FHIT: variants seen among roughly 807,000 people sequenced by gnomAD.
FHIT encodes bis(5'-adenosyl)-triphosphatase.
Under a neutral mutation model 17.9 loss-of-function variants are expected in FHIT, and 19 were observed. That is an observed-to-expected ratio of 1.06 (90% CI 0.74 to 1.56). FHIT has a LOEUF of 1.56. Ranked by LOEUF, FHIT falls within the 40% of genes most tolerant of loss-of-function variation. The probability of loss-of-function intolerance (pLI) is 0.00; values close to 1 mark genes in which losing one functional copy is unlikely to be tolerated. For synonymous variants in FHIT, 81 were observed against 69.7 expected (o/e 1.16, Z -0.81); for missense variants, 248 against 189.2 (o/e 1.31, Z -1.82).
intron 4 of FHIT, among the ~76,000 whole-genome samples, chr3:60,767,692 G>A (rs1699902664): frequency 6.6e-6 from 1 of 152,312 alleles, no homozygotes; most frequent in Admixed American, 6.5e-5. Context: ...CTTCTGAACA[G>A]AAATAAGAAA....
At chr3:59,984,820 C>T (rs542437722) in intron 7 of FHIT, among the ~76,000 whole-genome samples, 4 of 152,120 alleles carry the variant, frequency 2.6e-5, no homozygotes, top group East Asian at 1.9e-4. Flanking sequence ...CACAACTGGG[C>T]GGGGCAGGGG....
intron 5 of FHIT, among the ~76,000 whole-genome samples, chr3:60,154,174 A>T (rs907654791): frequency 1.3e-5 from 2 of 152,232 alleles, no homozygotes; most frequent in African/African-American, 4.8e-5. Context: ...AGTTATCCAT[A>T]TCCTACTGCT....
rs150251572 is a variant in FHIT at position 60,404,839 on chromosome 3, A to C, written c.103+132021T>G. On this transcript the variant is annotated intron_variant, in intron 5 of 9. Coordinates refer to ENST00000492590, the MANE Select transcript of FHIT (RefSeq NM_002012.4). ...GGTCCTAACTCACCAAGACAGAAGG[A>C]AAGACCTCACTTTTCCAAGTTCCCA... is the stretch of plus-strand genomic sequence containing the variant. Among the ~76,000 whole-genome samples the C allele has an allele frequency of 2.2e-3, 334 of 152,308 alleles. 1 individual carries two copies. The highest frequency in any genetic ancestry group is 1.2e-3 in the Non-Finnish European group (85 of 68,030).
intron 8 of FHIT, among the ~76,000 whole-genome samples, chr3:59,818,465 T>A (rs1219735297): frequency 1.3e-5 from 2 of 152,182 alleles, no homozygotes; most frequent in African/African-American, 4.8e-5. Context: ...ATGGTGTTTT[T>A]TTCTCCTTAA....
At position 60,119,802 on chromosome 3, in the gene FHIT, T is replaced by C. The variant is rs1011723668; in HGVS notation, c.104-105650A>G. On this transcript the variant is annotated intron_variant, in intron 5 of 9. Coordinates refer to ENST00000492590, the MANE Select transcript of FHIT (RefSeq NM_002012.4). ...AACCGTCCCTCCAGTGTAGCACTAA[T>C]CAAATCTACCACAGAGCTGTCACAT... 4.6e-5 allele frequency among the ~76,000 whole-genome samples: 7 copies of C among 152,180 alleles called. No homozygotes were observed. The East Asian group carries it at 1.3e-3, about 29-fold the overall frequency.
At chr3:60,070,931 T>C (rs895264848) in intron 5 of FHIT, among the ~76,000 whole-genome samples, 2 of 152,212 alleles carry the variant, frequency 1.3e-5, no homozygotes, top group Non-Finnish European at 1.5e-5. Flanking sequence ...TTCCTACAGG[T>C]CCATCTACCT....
intron 3 of FHIT, among the ~76,000 whole-genome samples, chr3:60,942,426 T>C (rs1008752946): frequency 6.6e-6 from 1 of 152,160 alleles, no homozygotes; most frequent in East Asian, 1.9e-4. Flanking sequence ...ACATAGGGTA[T>C]CCCTGTTAAT....
intron 3 of FHIT, among the ~76,000 whole-genome samples, chr3:60,908,173 A>G (rs1706535776): frequency 6.6e-6 from 1 of 152,222 alleles, no homozygotes; most frequent in Non-Finnish European, 1.5e-5. Flanking sequence ...TGTACCAGAA[A>G]AGAAGATCAG....
At chr3:60,537,824 A>C (rs1322022584) in intron 4 of FHIT, among the ~76,000 whole-genome samples, 1 of 152,222 alleles carries the variant, frequency 6.6e-6, no homozygotes, top group East Asian at 1.9e-4. Flanking sequence ...TGAATGACTA[A>C]GAAACACCAT....
chr3:60,958,893 T>C (rs547157593), intron 3 of FHIT, among the ~76,000 whole-genome samples: 1 of 152,354 alleles, frequency 6.6e-6, no homozygotes, highest in East Asian at 1.9e-4. Context: ...ATCGGAATTA[T>C]TTAGCAATGG....
At position 60,114,001 on chromosome 3, in the gene FHIT, C is replaced by CAAAAAAA. The variant is rs1559644017; in HGVS notation, c.104-99850_104-99849insTTTTTTT. Reference sequence around the variant, plus strand: ...TGGGCAATAGAACAAGACCCCGTCTCCAAAAAAAAAAAAAAAAAAAAAAAA... The same window carrying CAAAAAAA: ...TGGGCAATAGAACAAGACCCCGTCTCAAAAAAACAAAAAAAAAAAAAAAAAAAAAAAA... On this transcript the variant is annotated intron_variant, in intron 5 of 9. Coordinates refer to ENST00000492590, the MANE Select transcript of FHIT (RefSeq NM_002012.4). Among the ~76,000 whole-genome samples the CAAAAAAA allele has an allele frequency of 1.1e-4, 2 of 17,920 alleles. 1 individual carries two copies. The highest frequency in any genetic ancestry group is 1.5e-4 in the Non-Finnish European group (2 of 13,640). The allele number at this position is 17,920 out of a possible 152,430, so 11.8% of individuals were successfully genotyped here. A position where few individuals can be genotyped will look rare whatever the true frequency, so the allele number is the denominator to read the frequency against.
intron 2 of FHIT, among the ~76,000 whole-genome samples, chr3:61,144,389 G>C (rs969877113): frequency 6.6e-6 from 1 of 152,030 alleles, no homozygotes; most frequent in Non-Finnish European, 1.5e-5. Context: ...TACTAATTAT[G>C]GCCAAGTAAC....
chr3:60,443,783 C>G (rs1287730297), intron 5 of FHIT, among the ~76,000 whole-genome samples: 3 of 151,998 alleles, frequency 2.0e-5, no homozygotes, highest in African/African-American at 7.2e-5. Flanking sequence ...TGATGCCGGC[C>G]TCATACTTCA....
chr3:60,387,919 G>C (rs1397651912), intron 5 of FHIT, among the ~76,000 whole-genome samples: 4 of 152,024 alleles, frequency 2.6e-5, no homozygotes, highest in Non-Finnish European at 4.4e-5. Context: ...TCAAAGGAGT[G>C]AGCCCTCCCT....
intron 2 of FHIT, among the ~76,000 whole-genome samples, chr3:61,070,548 A>C (rs2106737227): frequency 6.6e-6 from 1 of 152,332 alleles, no homozygotes. Flanking sequence ...ACCTATTAGA[A>C]TCCAATTCAG....
intron 5 of FHIT, among the ~76,000 whole-genome samples, chr3:60,066,742 C>T (rs754460393): frequency 1.5e-4 from 22 of 146,276 alleles, no homozygotes; most frequent in Non-Finnish European, 3.0e-4. Flanking sequence ...CTGCAAGCTC[C>T]GCCTCGCGGG....
intron 3 of FHIT, among the ~76,000 whole-genome samples, chr3:60,915,706 T>C (rs951470327): frequency 1.6e-4 from 25 of 152,180 alleles, no homozygotes; most frequent in African/African-American, 5.8e-4. Context: ...AAGAAACTTT[T>C]AGGTGTTCTA....
intron 4 of FHIT, among the ~76,000 whole-genome samples, chr3:60,550,585 A>G (rs1388119966): frequency 6.7e-6 from 1 of 150,148 alleles, no homozygotes; most frequent in Non-Finnish European, 1.5e-5. Flanking sequence ...ATCTCACTTC[A>G]TCAGTTACCT....
At chr3:60,274,806 T>G (rs1707042411) in intron 5 of FHIT, among the ~76,000 whole-genome samples, 1 of 152,176 alleles carries the variant, frequency 6.6e-6, no homozygotes, top group Non-Finnish European at 1.5e-5. Context: ...GCCCAGACCT[T>G]CCCAGCACAG....
Sources: gnomAD v4.1 joint callset for allele counts (sites outside exome capture counted in the v4.1 genomes callset) on GRCh38, gnomAD v4.1.1 for gene constraint, MANE v1.5 for transcripts, NCBI Gene and HGNC (gene_info 2026-07-23, HGNC 2026-07-21) for gene names.